The following ZBTB20 variants were observed in gnomAD, a reference collection of about 807,000 sequenced individuals.
ZBTB20 encodes zinc finger and BTB domain-containing protein 20.
ZBTB20 carries 9 observed loss-of-function variants against 56.9 expected under a neutral mutation model. That is an observed-to-expected ratio of 0.16 (90% CI 0.10 to 0.28). The LOEUF (loss-of-function observed/expected upper bound fraction) is 0.28, where lower values mean the gene tolerates loss of function less well. Among genes scored for constraint, ZBTB20 ranks in the 10% least tolerant of loss-of-function variants. The pLI is 1.00. For synonymous variants in ZBTB20, 417 were observed against 420.7 expected (o/e 0.99, Z 0.11); for missense variants, 655 against 1,003.0 (o/e 0.65, Z 4.69).
chr3:114,454,176 GA>G (rs1237288506), intron 7 of ZBTB20, among the ~76,000 whole-genome samples: 22 of 826 alleles, frequency 0.027, no homozygotes, highest in Admixed American at 0.094. Flanking sequence ...AAAGAGAAGG[GA>G]GAGAGAGAGA....
At chr3:114,811,009 T>TATA (rs553446021) in intron 4 of ZBTB20, among the ~76,000 whole-genome samples, 6 of 152,212 alleles carry the variant, frequency 3.9e-5, no homozygotes, top group Non-Finnish European at 4.4e-5. Context: ...TGCCTCACTC[T>TATA]ATAGAGTTTG....
chr3:114,879,211 T>C, intron 4 of ZBTB20, among the ~76,000 whole-genome samples: 1 of 152,184 alleles, frequency 6.6e-6, no homozygotes, highest in Non-Finnish European at 1.5e-5. Flanking sequence ...ATTTGGAACC[T>C]TTAGCAGCCA....
At chr3:114,590,532 C>T (rs10675169) in intron 6 of ZBTB20, among the ~76,000 whole-genome samples, 10 of 84,872 alleles carry the variant, frequency 1.2e-4, no homozygotes, top group South Asian at 4.1e-4. Flanking sequence ...AAAAAATAAA[C>T]AAAAATAAAA....
intron 1 of ZBTB20, among the ~76,000 whole-genome samples, chr3:115,107,785 T>C (rs1196455901): frequency 6.6e-6 from 1 of 152,190 alleles, no homozygotes; most frequent in Non-Finnish European, 1.5e-5. Flanking sequence ...ATGTTGTACA[T>C]ATACACCATG....
At chr3:114,571,733 A>G (rs987498112) in intron 6 of ZBTB20, among the ~76,000 whole-genome samples, 1 of 152,202 alleles carries the variant, frequency 6.6e-6, no homozygotes, top group South Asian at 2.1e-4. Flanking sequence ...CCTGCTGAGC[A>G]TGTTAAAAAG....
chr3:114,823,321 A>G (rs1466042202), intron 4 of ZBTB20, among the ~76,000 whole-genome samples: 1 of 152,108 alleles, frequency 6.6e-6, no homozygotes, highest in Non-Finnish European at 1.5e-5. Context: ...ATTTTGGCTA[A>G]GAATACCTGG....
intron 3 of ZBTB20, among the ~76,000 whole-genome samples, chr3:114,968,617 C>T (rs1193031791): frequency 1.3e-5 from 2 of 152,158 alleles, no homozygotes; most frequent in Admixed American, 6.5e-5. Flanking sequence ...TCCACATATA[C>T]ACCCAATGAG....
At chr3:114,525,654 A>C (rs1369511521) in intron 6 of ZBTB20, among the ~76,000 whole-genome samples, 4 of 151,974 alleles carry the variant, frequency 2.6e-5, no homozygotes, top group Non-Finnish European at 4.4e-5. Flanking sequence ...TTACCTTTTC[A>C]CTTTAAAATA....
At chr3:114,442,176 T>G (rs1351799411) in intron 7 of ZBTB20, among the ~76,000 whole-genome samples, 1 of 152,246 alleles carries the variant, frequency 6.6e-6, no homozygotes, top group South Asian at 2.1e-4. Context: ...CAATACCAAG[T>G]TCTTGGCCAA....
intron 2 of ZBTB20, among the ~76,000 whole-genome samples, chr3:115,000,860 TATATAACAAGTCC>T (rs2079218092): frequency 6.6e-6 from 1 of 151,532 alleles, no homozygotes; most frequent in South Asian, 2.1e-4. Flanking sequence ...ATTCTGAGAA[TATATAACAAGTCC>T]TATGACTTCA....
At chr3:114,836,626 C>A (rs1002096397) in intron 4 of ZBTB20, among the ~76,000 whole-genome samples, 3 of 152,170 alleles carry the variant, frequency 2.0e-5, no homozygotes, top group African/African-American at 7.2e-5. Context: ...ACATCAGCAA[C>A]TCTTTTTGCC....
Position 114,844,537 on chromosome 3 carries a change from A to AAAAAC in ZBTB20, c.-416-43364_-416-43363insGTTTT, listed in dbSNP as rs1560313192. 1.4e-4 allele frequency among the ~76,000 whole-genome samples: 19 copies of AAAAAC among 138,846 alleles called. 2 individuals carry two copies. Among genetic ancestry groups the AAAAAC allele is most frequent in the Admixed American group, 5.7e-4 (8 of 13,962 alleles). The allele number at this position is 138,846 out of a possible 152,430, so 91.1% of individuals were successfully genotyped here. On this transcript the variant is annotated intron_variant, in intron 4 of 11. Transcript: ENST00000675478. ...CCCTGTCTCAAAAAAAAAAAAAAAA[A>AAAAAC]AAAAAAAAAAAAAAACTTTCATTTC...
At chr3:114,652,099 AATTTAT>A (rs1208943016) in intron 6 of ZBTB20, among the ~76,000 whole-genome samples, 1 of 152,058 alleles carries the variant, frequency 6.6e-6, no homozygotes, top group African/African-American at 2.4e-5. Context: ...GATTTTGATA[AATTTAT>A]ACACCTATGT....
chr3:114,337,140 G>A lies in ZBTB20; in HGVS notation c.*1865C>T, dbSNP rs1446140467. On this transcript the variant is annotated 3_prime_UTR_variant, in exon 12 of 12. Coordinates refer to ENST00000675478, the MANE Select transcript of ZBTB20 (RefSeq NM_001348800.3). ...GTTAATTTCCCTAAAACCTTTCGAA[G>A]AAGCAAGGGTTAATTCGTCATCTAA... 1 of 152,202 alleles carries A rather than the reference G, an allele frequency of 6.6e-6. No homozygotes were observed. The highest frequency in any genetic ancestry group is 1.5e-5 in the Non-Finnish European group (1 of 68,042). 9.4% of individuals were successfully genotyped at this position (152,202 alleles called of 1,614,324 possible).
intron 4 of ZBTB20, among the ~76,000 whole-genome samples, chr3:114,842,923 C>T (rs1350224540): frequency 6.6e-6 from 1 of 152,128 alleles, no homozygotes; most frequent in African/African-American, 2.4e-5. Flanking sequence ...ATTGTAATCC[C>T]AGGGACCTGG....
intron 2 of ZBTB20, among the ~76,000 whole-genome samples, chr3:115,069,250 CACA>C (rs1319715395): frequency 6.6e-6 from 1 of 152,158 alleles, no homozygotes; most frequent in Non-Finnish European, 1.5e-5. Context: ...TCTACTACCA[CACA>C]ACTATTCTAG....
At chr3:114,714,887 A>G (rs1163692370) in intron 5 of ZBTB20, among the ~76,000 whole-genome samples, 1 of 152,254 alleles carries the variant, frequency 6.6e-6, no homozygotes, top group Non-Finnish European at 1.5e-5. Flanking sequence ...AGGCAGGCAG[A>G]AAGATAGACA....
chr3:114,372,669 C>T (rs1051493957), intron 10 of ZBTB20, among the ~76,000 whole-genome samples: 1 of 151,568 alleles, frequency 6.6e-6, no homozygotes, highest in Admixed American at 6.6e-5. Context: ...CTCTAAAATA[C>T]AAACAAACAA....
chr3:115,013,149 T>C (rs2079793526), intron 2 of ZBTB20, among the ~76,000 whole-genome samples: 1 of 151,432 alleles, frequency 6.6e-6, no homozygotes, highest in South Asian at 2.1e-4. Flanking sequence ...GTGATGCATA[T>C]TAAAGAACTT....
Sources: allele counts gnomAD v4.1 joint callset (sites outside exome capture counted in the v4.1 genomes callset), GRCh38; gene constraint gnomAD v4.1.1; transcripts MANE v1.5; gene names NCBI Gene and HGNC (gene_info 2026-07-23, HGNC 2026-07-21).